Variants in NLGN1 observed in about 807,000 individuals in gnomAD.
NLGN1 encodes neuroligin-1.
In NLGN1, 12 loss-of-function variants were observed where a neutral mutation model predicts 65.5. The observed-to-expected ratio is 0.18, with a 90% CI of 0.12 to 0.30. The LOEUF is 0.30. Ranked by LOEUF, NLGN1 falls within the 10% of genes least tolerant of loss-of-function variation. NLGN1 has a pLI of 1.00. For synonymous variants in NLGN1, 350 were observed against 359.5 expected, an observed-to-expected ratio of 0.97 and a Z score of 0.30; for missense variants, 750 against 1,007.1, an observed-to-expected ratio of 0.74 and a Z score of 3.46.
At chr3:173,431,624 A>G (rs1046292208) in intron 1 of NLGN1, among the ~76,000 whole-genome samples, 2 of 152,126 alleles carry the variant, frequency 1.3e-5, no homozygotes, top group Non-Finnish European at 2.9e-5. Context: ...GAGATTTCCC[A>G]TATATGCCCT....
At chr3:174,224,970 A>G (rs1056255833) in intron 4 of NLGN1, among the ~76,000 whole-genome samples, 4 of 152,140 alleles carry the variant, frequency 2.6e-5, no homozygotes, top group African/African-American at 9.7e-5. Context: ...AGGAAAACCA[A>G]AGTCTTCCAA....
intron 1 of NLGN1, among the ~76,000 whole-genome samples, chr3:173,408,017 C>G (rs1401288580): frequency 6.6e-6 from 1 of 152,084 alleles, no homozygotes; most frequent in Admixed American, 6.5e-5. Context: ...GATACAAAAT[C>G]AAGCTGAGAT....
chr3:174,005,148 T>C (rs1279408744), intron 4 of NLGN1, among the ~76,000 whole-genome samples: 1 of 152,168 alleles, frequency 6.6e-6, no homozygotes, highest in Non-Finnish European at 1.5e-5. Context: ...GATATAATAG[T>C]CTTATAATTT....
At chr3:174,071,901 T>C (rs73880331) in intron 4 of NLGN1, among the ~76,000 whole-genome samples, 6,240 of 152,164 alleles carry the variant, frequency 0.041, 437 homozygotes, top group African/African-American at 0.14. Flanking sequence ...TCAAGAAGCT[T>C]ATGTCCAAGT....
exon 7 of NLGN1, chr3:174,284,603 G>C (rs1216827427): frequency 6.6e-6 from 1 of 151,178 alleles, no homozygotes; most frequent in Non-Finnish European, 1.5e-5. Context: ...TGTTTACCAA[G>C]AGATTAATGT....
chr3:173,539,547 AAT>A (rs1293810784), intron 2 of NLGN1, among the ~76,000 whole-genome samples: 4 of 143,610 alleles, frequency 2.8e-5, no homozygotes, highest in Admixed American at 7.1e-5. Context: ...GTATATATAA[AAT>A]ATATACATAA....
chr3:173,604,871 G>A (rs778406192), exon 3 of NLGN1: 2 of 1,613,596 alleles, frequency 1.2e-6, no homozygotes, highest in South Asian at 2.2e-5. Flanking sequence ...CACCAACAGG[G>A]GAACGTCGTT....
chr3:174,165,853 T>C (rs935028557), intron 4 of NLGN1, among the ~76,000 whole-genome samples: 7 of 152,152 alleles, frequency 4.6e-5, no homozygotes, highest in African/African-American at 1.7e-4. Flanking sequence ...AGTTGGCAGG[T>C]TTTTATTACT....
chr3:174,169,543 A>G (rs568616325), intron 4 of NLGN1, among the ~76,000 whole-genome samples: 18 of 151,938 alleles, frequency 1.2e-4, no homozygotes, highest in Admixed American at 3.3e-4. Flanking sequence ...CTGTACCACA[A>G]TTAATGTGGT....
intron 4 of NLGN1, among the ~76,000 whole-genome samples, chr3:173,825,388 A>AT (rs397771711): frequency 6.6e-6 from 1 of 151,580 alleles, no homozygotes. Flanking sequence ...AGTGGAAAAA[A>AT]TGATAAGAGA....
chr3:174,098,301 G>C (rs1360540010), intron 4 of NLGN1, among the ~76,000 whole-genome samples: 1 of 151,946 alleles, frequency 6.6e-6, no homozygotes, highest in African/African-American at 2.4e-5. Context: ...AATTCAGTTT[G>C]TGCAAATTTG....
chr3:173,994,491 AAG>A (rs1553910109), intron 4 of NLGN1, among the ~76,000 whole-genome samples: 3 of 81,204 alleles, frequency 3.7e-5, no homozygotes, highest in Non-Finnish European at 4.4e-5. Flanking sequence ...AAAAAAAAAA[AAG>A]AGAGAGAGAG....
chr3:173,502,239 C>A (rs189229887), intron 2 of NLGN1, among the ~76,000 whole-genome samples: 1 of 151,970 alleles, frequency 6.6e-6, no homozygotes. Context: ...TGGCCATAAA[C>A]GTTAAATTCT....
intron 2 of NLGN1, among the ~76,000 whole-genome samples, chr3:173,600,577 G>C (rs1750331252): frequency 4.7e-5 from 1 of 21,432 alleles, no homozygotes; most frequent in Non-Finnish European, 1.8e-4. Context: ...AAGCAAGGTA[G>C]AAATAAAAAC....
At chr3:173,794,496 C>T (rs1033136159) in intron 3 of NLGN1, among the ~76,000 whole-genome samples, 3 of 152,116 alleles carry the variant, frequency 2.0e-5, no homozygotes, top group African/African-American at 7.2e-5. Flanking sequence ...CACTTGTGTT[C>T]TCACCAGACT....
Position 174,261,929 on chromosome 3 carries a change from C to G in NLGN1, c.647-13386C>G, listed in dbSNP as rs966571496. On this transcript the variant is annotated intron_variant, in intron 4 of 6. Coordinates refer to ENST00000457714, the Ensembl canonical transcript of NLGN1. ...ATTTTGTCAAAGGCTTTTTCTGCATCTATTGAGATAATCATGTGGTTTTTG... is the reference window on the plus strand; with the variant it reads ...ATTTTGTCAAAGGCTTTTTCTGCATGTATTGAGATAATCATGTGGTTTTTG... 6.9e-3 allele frequency among the ~76,000 whole-genome samples: 1,012 copies of G among 146,434 alleles called. 12 individuals carry two copies. The highest frequency in any genetic ancestry group is 0.024 in the African/African-American group (902 of 38,340).
At chr3:174,015,377 G>T (rs1201448722) in intron 4 of NLGN1, among the ~76,000 whole-genome samples, 1 of 152,088 alleles carries the variant, frequency 6.6e-6, no homozygotes, top group Non-Finnish European at 1.5e-5. Flanking sequence ...TCTCTTTCCG[G>T]CTTACAGATG....
intron 3 of NLGN1, among the ~76,000 whole-genome samples, chr3:173,762,559 T>C (rs1778130342): frequency 6.6e-6 from 1 of 152,056 alleles, no homozygotes. Context: ...TACTTCCAAC[T>C]GATACTAAAA....
intron 3 of NLGN1, among the ~76,000 whole-genome samples, chr3:173,722,679 G>A (rs1771058918): frequency 1.3e-5 from 2 of 152,134 alleles, no homozygotes; most frequent in Non-Finnish European, 2.9e-5. Context: ...ATACCTGCAT[G>A]ACCATGACAA....
Sources: allele counts gnomAD v4.1 joint callset (sites outside exome capture counted in the v4.1 genomes callset), GRCh38; gene constraint gnomAD v4.1.1; transcripts MANE v1.5; gene names NCBI Gene and HGNC (gene_info 2026-07-23, HGNC 2026-07-21).